TMEM132D: variants seen among roughly 807,000 people sequenced by gnomAD.
TMEM132D encodes transmembrane protein 132D, also known as mature OL transmembrane protein.
A neutral mutation model predicts 62.3 loss-of-function variants in TMEM132D; 21 were observed. That is an observed-to-expected ratio of 0.34 (90% CI 0.24 to 0.49). The LOEUF is 0.49. Among genes scored for constraint, TMEM132D ranks in the 20% least tolerant of loss-of-function variants. The probability of loss-of-function intolerance (pLI) is 0.99; values close to 1 mark genes in which losing one functional copy is unlikely to be tolerated. For synonymous variants in TMEM132D, 621 were observed against 575.6 expected, an observed-to-expected ratio of 1.08 and a Z score of -1.13; for missense variants, 1,346 against 1,402.8, an observed-to-expected ratio of 0.96 and a Z score of 0.65.
intron 3 of TMEM132D, among the ~76,000 whole-genome samples, chr12:129,494,451 G>A (rs1040578177): frequency 6.6e-6 from 1 of 152,034 alleles, no homozygotes; most frequent in African/African-American, 2.4e-5. Flanking sequence ...TTTTATTGCT[G>A]GCATTACTCA....
chr12:129,853,960 C>G (rs1018530036), intron 1 of TMEM132D, among the ~76,000 whole-genome samples: 1 of 152,140 alleles, frequency 6.6e-6, no homozygotes, highest in Non-Finnish European at 1.5e-5. Context: ...AGTGCTGGAT[C>G]AAAGTTCTGG....
At chr12:129,312,326 G>A (rs980526096) in intron 4 of TMEM132D, among the ~76,000 whole-genome samples, 1 of 152,114 alleles carries the variant, frequency 6.6e-6, no homozygotes, top group Non-Finnish European at 1.5e-5. Flanking sequence ...AAGCCTTAGG[G>A]GGAAAAACAC....
intron 2 of TMEM132D, among the ~76,000 whole-genome samples, chr12:129,654,276 T>G (rs978093274): frequency 1.2e-4 from 15 of 120,390 alleles, no homozygotes; most frequent in African/African-American, 3.7e-4. Context: ...TCTCTCACTC[T>G]CTCGTGTGTG....
intron 4 of TMEM132D, among the ~76,000 whole-genome samples, chr12:129,292,692 A>G (rs1014093465): frequency 2.6e-5 from 4 of 152,258 alleles, no homozygotes; most frequent in South Asian, 2.1e-4. Context: ...TGAAGATTAC[A>G]AAGAAATAAC....
At chr12:129,417,779 G>C (rs1014259303) in intron 3 of TMEM132D, among the ~76,000 whole-genome samples, 2 of 152,104 alleles carry the variant, frequency 1.3e-5, no homozygotes, top group African/African-American at 4.8e-5. Flanking sequence ...TACAGAATGG[G>C]AGAAAATTTT....
At chr12:129,294,225 G>A (rs561685254) in intron 4 of TMEM132D, among the ~76,000 whole-genome samples, 4 of 152,270 alleles carry the variant, frequency 2.6e-5, no homozygotes, top group Admixed American at 6.5e-5. Context: ...CCTTGAATAC[G>A]AATGATGGGT....
intron 4 of TMEM132D, among the ~76,000 whole-genome samples, chr12:129,316,971 G>A (rs1225721968): frequency 6.6e-6 from 1 of 152,054 alleles, no homozygotes; most frequent in African/African-American, 2.4e-5. Flanking sequence ...AGCTACTCTT[G>A]CTCGCTTTTG....
chr12:129,377,216 A>G (rs1870807356), intron 3 of TMEM132D, among the ~76,000 whole-genome samples: 1 of 152,182 alleles, frequency 6.6e-6, no homozygotes, highest in African/African-American at 2.4e-5. Context: ...AGCATCTACA[A>G]TCTTCAGAGA....
At chr12:129,887,088 A>G (rs1424828260) in intron 1 of TMEM132D, among the ~76,000 whole-genome samples, 1 of 152,114 alleles carries the variant, frequency 6.6e-6, no homozygotes, top group Non-Finnish European at 1.5e-5. Context: ...TCATATCCCT[A>G]CTTTTGAAAG....
chr12:129,687,670 G>C (rs941073285), intron 2 of TMEM132D, among the ~76,000 whole-genome samples: 6 of 152,028 alleles, frequency 3.9e-5, no homozygotes, highest in Non-Finnish European at 8.8e-5. Context: ...GAGCATCTAG[G>C]GCTGCAGCAG....
rs558922183 is a variant in TMEM132D, at chr12:129,371,535, TATGATG to T, written c.1116-33724_1116-33719del. 9.3e-4 allele frequency among the ~76,000 whole-genome samples: 140 copies of T among 150,904 alleles called. No homozygotes were observed. Among genetic ancestry groups the T allele is most frequent in the African/African-American group, 3.2e-3 (132 of 41,102 alleles). ...TAATGGTGGTGATTATGATGATGAT[TATGATG>T]ATGATGATGATGATGGCGATGATGG... On this transcript the variant is annotated intron_variant, in intron 3 of 8. Transcript: ENST00000422113. This position sits in a 1 kb window ranked among gnomAD's most constrained non-coding sequence, Gnocchi z 4.3.
chr12:129,154,636 T>C (rs1877178928), intron 5 of TMEM132D, among the ~76,000 whole-genome samples: 1 of 152,244 alleles, frequency 6.6e-6, no homozygotes, highest in Non-Finnish European at 1.5e-5. Flanking sequence ...TTGTTTGTGA[T>C]TGTTCCCTGT....
rs112049444 is a variant in TMEM132D, at chr12:129,485,407, T to C, written c.1115+45652A>G. ...ACTCCCAGGAAAAATCACAGGCACT[T>C]GGATTTGGAGTCTGAGGTCCACATT... On this transcript the variant is annotated intron_variant, in intron 3 of 8. Transcript: ENST00000422113. 3.9e-5 allele frequency among the ~76,000 whole-genome samples: 6 copies of C among 152,262 alleles called. No individual in the cohort carries two copies. In the East Asian group the frequency reaches 5.8e-4, roughly 15 times the overall value.
chr12:129,089,528 CCGGG>C (rs1184799057), intron 5 of TMEM132D, among the ~76,000 whole-genome samples: 1 of 74,468 alleles, frequency 1.3e-5, no homozygotes, highest in Non-Finnish European at 3.4e-5. Context: ...TCCTCCATGA[CCGGG>C]TGTCCTCCAT....
intron 1 of TMEM132D, among the ~76,000 whole-genome samples, chr12:129,809,322 AAAT>A (rs1872094450): frequency 6.8e-6 from 1 of 147,962 alleles, no homozygotes. Flanking sequence ...AAAAAAAAAA[AAAT>A]TTTTTTTTGA....
At chr12:129,207,231 G>T (rs149851650) in intron 5 of TMEM132D, among the ~76,000 whole-genome samples, 1 of 148,868 alleles carries the variant, frequency 6.7e-6, no homozygotes, top group African/African-American at 2.5e-5. Context: ...TAAGTTCCAA[G>T]GAGGACAGTC....
intron 3 of TMEM132D, among the ~76,000 whole-genome samples, chr12:129,465,424 A>G (rs1335537555): frequency 6.6e-6 from 1 of 152,138 alleles, no homozygotes; most frequent in Non-Finnish European, 1.5e-5. Flanking sequence ...CCTATTCAAC[A>G]TAGTGTTGGA....
rs35811962 is a variant in TMEM132D, at chr12:129,549,148, TG to T, written c.969-17944del. Reference sequence around the variant, plus strand: ...GACCTGGTGGGAGGTAAGTGAATCATGGGGGTGGTTCCCCCCTACTGTTCTC... The same window carrying T: ...GACCTGGTGGGAGGTAAGTGAATCATGGGGTGGTTCCCCCCTACTGTTCTC... On this transcript the variant is annotated intron_variant, in intron 2 of 8. Transcript: ENST00000422113. Among the ~76,000 whole-genome samples the T allele has an allele frequency of 5.7e-3, 869 of 151,678 alleles. 4 individuals carry two copies. The highest frequency in any genetic ancestry group is 0.02 in the African/African-American group (818 of 41,330).
chr12:129,580,070 T>C (rs1308188563), intron 2 of TMEM132D, among the ~76,000 whole-genome samples: 2 of 152,106 alleles, frequency 1.3e-5, no homozygotes, highest in South Asian at 2.1e-4. Flanking sequence ...TACTTCCCAA[T>C]AGGCCTTAAG....
Sources: allele counts gnomAD v4.1 joint callset (sites outside exome capture counted in the v4.1 genomes callset), GRCh38; gene constraint gnomAD v4.1.1; non-coding constraint Gnocchi (gnomAD v3.1); transcripts MANE v1.5; gene names NCBI Gene and HGNC (gene_info 2026-07-23, HGNC 2026-07-21).